NUMB: variants seen among roughly 807,000 people sequenced by gnomAD.
NUMB encodes the protein protein numb homolog.
Under a neutral mutation model 59.7 loss-of-function variants are expected in NUMB, and 29 were observed. The observed-to-expected ratio is 0.49, with a 90% CI of 0.36 to 0.66. NUMB has a LOEUF of 0.66. NUMB is among the 30% of genes least tolerant of loss of function. The pLI, the probability that NUMB is intolerant of heterozygous loss-of-function variation, is 0.00. For missense variants in NUMB, 723 were observed against 822.0 expected, an observed-to-expected ratio of 0.88 and a Z score of 1.47; for synonymous variants, 288 against 288.2, an observed-to-expected ratio of 1.00 and a Z score of 0.01.
At chr14:73,294,043 TG>T (rs1448161857) in intron 7 of NUMB, among the ~76,000 whole-genome samples, 1 of 152,254 alleles carries the variant, frequency 6.6e-6, no homozygotes, top group Non-Finnish European at 1.5e-5. Context: ...TCTGTTTTGT[TG>T]TATGCTGAGT....
intron 1 of NUMB, among the ~76,000 whole-genome samples, chr14:73,412,041 C>A (rs1566785853): frequency 6.6e-6 from 1 of 150,972 alleles, no homozygotes; most frequent in Non-Finnish European, 1.5e-5. Flanking sequence ...CCTCCCACCT[C>A]AGCCTCCCAA....
chr14:73,431,606 G>A (rs528313179), intron 1 of NUMB, among the ~76,000 whole-genome samples: 5 of 151,600 alleles, frequency 3.3e-5, no homozygotes, highest in East Asian at 3.9e-4. Context: ...AAAATTAGGC[G>A]GGCATGGTGG....
At chr14:73,322,237 G>C (rs937813681) in intron 5 of NUMB, among the ~76,000 whole-genome samples, 1 of 152,172 alleles carries the variant, frequency 6.6e-6, no homozygotes, top group Admixed American at 6.5e-5. Flanking sequence ...TTGTGAAAAG[G>C]GCTATCAGAT....
chr14:73,426,683 C>T (rs966267840), intron 1 of NUMB, among the ~76,000 whole-genome samples: 1 of 152,068 alleles, frequency 6.6e-6, no homozygotes, highest in Non-Finnish European at 1.5e-5. Context: ...CCTGTCTCCA[C>T]TAAAAATACA....
intron 1 of NUMB, among the ~76,000 whole-genome samples, chr14:73,453,651 AG>A (rs1884147857): frequency 6.7e-6 from 1 of 149,570 alleles, no homozygotes; most frequent in Non-Finnish European, 1.5e-5. Flanking sequence ...TTTGTCGCCC[AG>A]GATGGAGTGC....
intron 2 of NUMB, among the ~76,000 whole-genome samples, chr14:73,378,315 G>A (rs1895068527): frequency 6.6e-6 from 1 of 152,162 alleles, no homozygotes; most frequent in South Asian, 2.1e-4. Flanking sequence ...AATGCAAAAT[G>A]GCACAGCCAC....
chr14:73,364,081 A>G (rs112982484), intron 3 of NUMB, among the ~76,000 whole-genome samples: 251 of 152,342 alleles, frequency 1.6e-3, no homozygotes, highest in African/African-American at 5.9e-3. Context: ...AAGGAGGAAA[A>G]CTATGTGATC....
chr14:73,427,316 T>C (rs943995057), intron 1 of NUMB, among the ~76,000 whole-genome samples: 1 of 151,756 alleles, frequency 6.6e-6, no homozygotes, highest in Admixed American at 6.6e-5. Flanking sequence ...AATACAAAAA[T>C]TAGCCGGGCA....
chr14:73,400,386 C>T (rs1025034161), intron 2 of NUMB, among the ~76,000 whole-genome samples: 1 of 152,292 alleles, frequency 6.6e-6, no homozygotes, highest in Non-Finnish European at 1.5e-5. Context: ...CTTGAAAGTA[C>T]AACACCAAGA....
At chr14:73,312,555 A>C (rs932148511) in intron 6 of NUMB, among the ~76,000 whole-genome samples, 55 of 152,110 alleles carry the variant, frequency 3.6e-4, no homozygotes, top group Non-Finnish European at 4.4e-5. Flanking sequence ...CTCTACAAAA[A>C]ACACAAAAAT....
chr14:73,279,376 G>GT lies in NUMB; in HGVS notation c.1144dup (p.Thr382AsnfsTer12), dbSNP rs1888447451. 5.0e-6 allele frequency: 8 copies of GT among 1,609,100 alleles called. No homozygotes were observed. In the East Asian group the frequency reaches 1.8e-4, roughly 36 times the overall value. ...AGGCATTGCTACGGGTGCTAGAGCAGTATGGGCTGGCTTAGCAAGCACATG... is the reference window on the plus strand; with the variant it reads ...AGGCATTGCTACGGGTGCTAGAGCAGTTATGGGCTGGCTTAGCAAGCACATG... On this transcript the variant is annotated frameshift_variant, in exon 12 of 13. Coordinates refer to ENST00000555238, the MANE Select transcript of NUMB (RefSeq NM_001005743.2). LOFTEE classifies it high-confidence loss of function.
At chr14:73,412,819 A>G (rs1236478368) in intron 1 of NUMB, among the ~76,000 whole-genome samples, 1 of 151,724 alleles carries the variant, frequency 6.6e-6, no homozygotes, top group East Asian at 2.0e-4. Flanking sequence ...TTTTATAAGC[A>G]GGGTCTTGTC....
At chr14:73,451,112 C>T (rs1883906438) in intron 1 of NUMB, among the ~76,000 whole-genome samples, 1 of 139,002 alleles carries the variant, frequency 7.2e-6, no homozygotes, top group Non-Finnish European at 1.5e-5. Flanking sequence ...CAAGATTGCA[C>T]CATTGCACTC....
chr14:73,311,242 G>C (rs181217498), intron 6 of NUMB, among the ~76,000 whole-genome samples: 1 of 152,144 alleles, frequency 6.6e-6, no homozygotes, highest in Non-Finnish European at 1.5e-5. Flanking sequence ...TTTTAGTAGA[G>C]ACGGGGTTTC....
chr14:73,292,883 TACGACAC>T lies in NUMB; in HGVS notation c.310-16_310-10del, dbSNP rs1889485801. On this transcript the variant is annotated splice_polypyrimidine_tract_variant and intron_variant, in intron 7 of 12. Transcript: ENST00000555238. ...TGGTCAACTATGAGGTCCTAGAAAATACGACACACAAAGAAAGAGAAGACTTATGAGG... is the reference window on the plus strand; with the variant it reads ...TGGTCAACTATGAGGTCCTAGAAAATACAAAGAAAGAGAAGACTTATGAGG... 6.2e-7 allele frequency: 1 copy of T among 1,613,588 alleles called. No individual in the cohort carries two copies. Among genetic ancestry groups the T allele is most frequent in the African/African-American group, 1.3e-5 (1 of 74,924 alleles).
intron 2 of NUMB, among the ~76,000 whole-genome samples, chr14:73,390,365 G>C (rs74064623): frequency 0.058 from 8,882 of 152,168 alleles, 721 homozygotes; most frequent in African/African-American, 0.19. Context: ...GTTATCATTG[G>C]TTTGATTTGC....
chr14:73,321,069 A>G (rs1891376909), intron 5 of NUMB, among the ~76,000 whole-genome samples: 1 of 152,144 alleles, frequency 6.6e-6, no homozygotes, highest in African/African-American at 2.4e-5. Context: ...TTTCAAAAAA[A>G]AACAAAGCTA....
chr14:73,336,217 C>A (rs1017385491), intron 4 of NUMB, among the ~76,000 whole-genome samples: 21 of 152,156 alleles, frequency 1.4e-4, no homozygotes, highest in African/African-American at 4.8e-4. Flanking sequence ...TTAAAGCTTA[C>A]CTGCAACTCT....
At chr14:73,394,506 C>T (rs1896024064) in intron 2 of NUMB, among the ~76,000 whole-genome samples, 1 of 151,926 alleles carries the variant, frequency 6.6e-6, no homozygotes, top group African/African-American at 2.4e-5. Flanking sequence ...ATTCCTGGGC[C>T]CCAGTGATCC....
Sources: gnomAD v4.1 joint callset for allele counts (sites outside exome capture counted in the v4.1 genomes callset) on GRCh38, gnomAD v4.1.1 for gene constraint, MANE v1.5 for transcripts, NCBI Gene and HGNC (gene_info 2026-07-23, HGNC 2026-07-21) for gene names.